Variants in TOMM7 observed in about 807,000 individuals in gnomAD.
TOMM7 encodes translocase of outer mitochondrial membrane 7.
Under a neutral mutation model 9.5 loss-of-function variants are expected in TOMM7, and 8 were observed. The ratio of observed to expected loss-of-function variants is 0.84; its 90% CI spans 0.49 to 1.51. TOMM7 has a LOEUF of 1.51. Among genes scored for constraint, TOMM7 ranks in the 40% most tolerant of loss-of-function variants. The pLI is 0.00. For synonymous variants in TOMM7, 27 were observed against 21.4 expected, an observed-to-expected ratio of 1.26 and a Z score of -0.72; for missense variants, 74 against 63.7, an observed-to-expected ratio of 1.16 and a Z score of -0.55.
At chr7:22,819,220 A>G (rs1287851363) in intron 1 of TOMM7, among the ~76,000 whole-genome samples, 1 of 152,132 alleles carries the variant, frequency 6.6e-6, no homozygotes, top group African/African-American at 2.4e-5. Flanking sequence ...GGGGTCTGCA[A>G]TTTTATCTTA....
At chr7:22,821,323 T>G (rs1355843818) in intron 1 of TOMM7, among the ~76,000 whole-genome samples, 1 of 148,354 alleles carries the variant, frequency 6.7e-6, no homozygotes, top group African/African-American at 2.5e-5. Context: ...GGCAGGAGAA[T>G]GGCGAGAACC....
At chr7:22,815,440 A>G (rs75266574) in intron 2 of TOMM7, among the ~76,000 whole-genome samples, 1 of 152,134 alleles carries the variant, frequency 6.6e-6, no homozygotes, top group East Asian at 1.9e-4. Flanking sequence ...TCATGCTTAT[A>G]ATCCTAGCAC....
intron 2 of TOMM7, among the ~76,000 whole-genome samples, chr7:22,814,477 C>A (rs912287505): frequency 6.6e-6 from 1 of 152,018 alleles, no homozygotes; most frequent in Non-Finnish European, 1.5e-5. Context: ...CATGACTGCG[C>A]CACTGCACTC....
intron 1 of TOMM7, chr7:22,822,337 C>A: frequency 6.8e-7 from 1 of 1,466,398 alleles, no homozygotes; most frequent in Non-Finnish European, 9.1e-7. Flanking sequence ...AGGAAAAACA[C>A]CCCGAGAACC....
At chr7:22,815,254 G>A (rs1195002052) in intron 2 of TOMM7, among the ~76,000 whole-genome samples, 3 of 152,088 alleles carry the variant, frequency 2.0e-5, no homozygotes, top group Non-Finnish European at 4.4e-5. Flanking sequence ...GATAAATGCA[G>A]CCCCAAAAAA....
intron 2 of TOMM7, among the ~76,000 whole-genome samples, chr7:22,815,003 G>A (rs1028843670): frequency 6.6e-6 from 1 of 152,202 alleles, no homozygotes; most frequent in African/African-American, 2.4e-5. Flanking sequence ...TCCCAGTGCA[G>A]GGAGCACAGT....
intron 1 of TOMM7, among the ~76,000 whole-genome samples, chr7:22,820,316 G>A (rs951118233): frequency 9.5e-4 from 145 of 152,132 alleles, no homozygotes; most frequent in Non-Finnish European, 5.3e-4. Context: ...TCACCGTAAC[G>A]GTAGTCCTAG....
At position 22,818,008 on chromosome 7, in the gene TOMM7, A is replaced by G. The variant is rs1186466046; in HGVS notation, c.144T>C (p.Thr48=). The change falls in exon 2 of 3, where the codon ACT becomes ACC. Residue 48 remains threonine (T), a synonymous_variant. Transcript: ENST00000358435. ...RGADPGMPEP[T]VLSLLWG Reference sequence around the variant, plus strand: ...AGTTTTAAGAGCAGTACCTCAAAACAGTTGGTTCAGGCATTCCGGGATCTG... The same window carrying G: ...AGTTTTAAGAGCAGTACCTCAAAACGGTTGGTTCAGGCATTCCGGGATCTG... 1 of 1,613,982 alleles carries G rather than the reference A, an allele frequency of 6.2e-7. No homozygotes were observed. The highest frequency in any genetic ancestry group is 2.2e-5 in the East Asian group (1 of 44,872).
rs1782340377 is a variant in TOMM7, at chr7:22,818,111, C to G, written c.104-63G>C. On this transcript the variant is annotated intron_variant, in intron 1 of 2. Coordinates refer to ENST00000358435, the MANE Select transcript of TOMM7 (RefSeq NM_019059.5). ...AAAACCCCAGCAGACAAAACATTTA[C>G]AATCAAGACTTTTTCTTCTTTGTAA... 8 of 1,501,606 alleles carry G rather than the reference C, an allele frequency of 5.3e-6. No homozygotes were observed. In the South Asian group the frequency reaches 9.0e-5, roughly 17 times the overall value. The allele number at this position is 1,501,606 out of a possible 1,614,324, so 93.0% of individuals were successfully genotyped here.
rs1306367260 is a variant in TOMM7 at position 22,822,790 on chromosome 7, G to A, written c.-11C>T. On this transcript the variant is annotated 5_prime_UTR_variant, in exon 1 of 3. The change creates a new upstream start codon in the 5' untranslated region. Coordinates refer to ENST00000358435, the MANE Select transcript of TOMM7 (RefSeq NM_019059.5). ...GCTCAGCTTCACCATGGCGACGGCCGTGTGGCGCAGGGAGGACCCCTTACA... is the reference window on the plus strand; with the variant it reads ...GCTCAGCTTCACCATGGCGACGGCCATGTGGCGCAGGGAGGACCCCTTACA... 2 of 1,610,886 alleles carry A rather than the reference G, an allele frequency of 1.2e-6. No homozygotes were observed. Among genetic ancestry groups the A allele is most frequent in the African/African-American group, 1.3e-5 (1 of 74,976 alleles).
chr7:22,818,471 G>A lies in TOMM7; in HGVS notation c.104-423C>T, dbSNP rs528943166. ...TTTTTTTGTATTTTTAGTAGAGACAGAGTCTCACCATGTTGGCCAGGCTGG... is the reference window on the plus strand; with the variant it reads ...TTTTTTTGTATTTTTAGTAGAGACAAAGTCTCACCATGTTGGCCAGGCTGG... On this transcript the variant is annotated intron_variant, in intron 1 of 2. Coordinates refer to ENST00000358435, the MANE Select transcript of TOMM7 (RefSeq NM_019059.5). 248 of 157,512 alleles carry A rather than the reference G, an allele frequency of 1.6e-3. 2 individuals carry two copies. In the South Asian group the frequency reaches 0.02, roughly 12 times the overall value. 9.8% of individuals were successfully genotyped at this position (157,512 alleles called of 1,614,324 possible).
intron 1 of TOMM7, among the ~76,000 whole-genome samples, chr7:22,818,647 C>A (rs74780935): frequency 0.036 from 5,521 of 152,220 alleles, 141 homozygotes; most frequent in African/African-American, 0.07. Context: ...ACACAATTGG[C>A]ACAGTTGCCC....
In TOMM7 at chr7:22,818,270, C is replaced by G; in HGVS notation, c.104-222G>C. On this transcript the variant is annotated intron_variant, in intron 1 of 2. Coordinates refer to ENST00000358435, the MANE Select transcript of TOMM7 (RefSeq NM_019059.5). ...CTAATCAGTAGGAAGAACAAGCTAT[C>G]TTATTCCTTTCTTTTTGAGACAGAG... 13 of 448,736 alleles carry G rather than the reference C, an allele frequency of 2.9e-5. No individual in the cohort carries two copies. In the South Asian group the frequency reaches 3.4e-4, roughly 12 times the overall value. The allele number at this position is 448,736 out of a possible 1,614,324, so 27.8% of individuals were successfully genotyped here.
At chr7:22,815,388 A>G (rs548262830) in intron 2 of TOMM7, among the ~76,000 whole-genome samples, 2 of 152,064 alleles carry the variant, frequency 1.3e-5, no homozygotes, top group South Asian at 4.2e-4. Context: ...TGCTTTGTCA[A>G]TTCCTGTCCA....
chr7:22,822,030 T>A, intron 1 of TOMM7: 1 of 1,188,680 alleles, frequency 8.4e-7, no homozygotes, highest in Non-Finnish European at 1.1e-6. Flanking sequence ...CCCCAAATCC[T>A]TTAAGTGCGC....
At chr7:22,821,766 A>C (rs1197117054) in intron 1 of TOMM7, among the ~76,000 whole-genome samples, 2 of 152,090 alleles carry the variant, frequency 1.3e-5, no homozygotes, top group African/African-American at 4.8e-5. Flanking sequence ...AAGGAAAAAA[A>C]AAGACAGAAA....
In TOMM7 at chr7:22,817,981, T is replaced by A; in HGVS notation, c.152+19A>T. ...TGTATGAACATTTGTCCTGAAATGT[T>A]TAGTTTTAAGAGCAGTACCTCAAAA... On this transcript the variant is annotated intron_variant, in intron 2 of 2. Coordinates refer to ENST00000358435, the MANE Select transcript of TOMM7 (RefSeq NM_019059.5). 6.2e-7 allele frequency: 1 copy of A among 1,611,816 alleles called. No homozygotes were observed. Among genetic ancestry groups the A allele is most frequent in the Non-Finnish European group, 8.5e-7 (1 of 1,178,104 alleles).
intron 1 of TOMM7, among the ~76,000 whole-genome samples, chr7:22,818,715 C>A (rs1199920784): frequency 6.6e-6 from 1 of 152,126 alleles, no homozygotes; most frequent in East Asian, 1.9e-4. Context: ...TACCACAACT[C>A]CCAAATTATA....
intron 1 of TOMM7, chr7:22,822,246 C>A (rs1433664582): frequency 1.3e-6 from 2 of 1,550,618 alleles, no homozygotes; most frequent in Non-Finnish European, 1.7e-6. Flanking sequence ...TATAATCATG[C>A]TTTCATGGCA....
Sources: allele counts gnomAD v4.1 joint callset (sites outside exome capture counted in the v4.1 genomes callset), GRCh38; gene constraint gnomAD v4.1.1; transcripts MANE v1.5; gene names NCBI Gene and HGNC (gene_info 2026-07-23, HGNC 2026-07-21).